HDAC4: variants seen among roughly 807,000 people sequenced by gnomAD.
The protein encoded by HDAC4 is histone deacetylase 4.
In HDAC4, 16 loss-of-function variants were observed where a neutral mutation model predicts 135.1. The ratio of observed to expected loss-of-function variants is 0.12; its 90% CI spans 0.08 to 0.18. HDAC4 has a LOEUF of 0.18. Among genes scored for constraint, HDAC4 ranks in the 10% least tolerant of loss-of-function variants. The probability of loss-of-function intolerance (pLI) is 1.00; values close to 1 mark genes in which losing one functional copy is unlikely to be tolerated. For synonymous variants in HDAC4, 685 were observed against 653.4 expected, an observed-to-expected ratio of 1.05 and a Z score of -0.74; for missense variants, 1,143 against 1,511.8, an observed-to-expected ratio of 0.76 and a Z score of 4.05.
intron 17 of HDAC4, 173 bp downstream of exon 17, chr2:239,094,837 G>A (rs935443885): frequency 3.1e-5 from 47 of 1,519,570 alleles, no homozygotes; most frequent in Non-Finnish European, 3.6e-5. Context: ...CCGAGTCGGC[G>A]ATCAAAACGC....
At position 239,146,991 on chromosome 2, in the gene HDAC4, T is replaced by C. The variant is rs1195023552; in HGVS notation, c.734-2277A>G. 6.6e-6 allele frequency among the ~76,000 whole-genome samples: 1 copy of C among 152,208 alleles called. No homozygotes were observed. The highest frequency in any genetic ancestry group is 1.9e-4 in the East Asian group (1 of 5,180). ...CTGACCAGGAGGCTCCAGGACACCATGCCAGCACTGCCAGGGACAGCATGG... is the reference window on the plus strand; with the variant it reads ...CTGACCAGGAGGCTCCAGGACACCACGCCAGCACTGCCAGGGACAGCATGG... On this transcript the variant is annotated intron_variant, in intron 7 of 26. Coordinates refer to ENST00000543185, the MANE Select transcript of HDAC4 (RefSeq NM_001378414.1). The surrounding 1 kb of genome is among the most constrained non-coding windows in gnomAD (Gnocchi z 4.5).
At chr2:239,371,655 G>T (rs925279697) in intron 1 of HDAC4, among the ~76,000 whole-genome samples, 2 of 151,918 alleles carry the variant, frequency 1.3e-5, no homozygotes, top group South Asian at 4.2e-4. Flanking sequence ...ACACACATAC[G>T]CACGGACTCA....
chr2:239,330,168 A>T (rs1428500631), intron 2 of HDAC4, among the ~76,000 whole-genome samples: 1 of 152,250 alleles, frequency 6.6e-6, no homozygotes, highest in Non-Finnish European at 1.5e-5. Context: ...GGCCAGGTAC[A>T]GCTGCCTGGA....
At chr2:239,168,617 A>G (rs2043255784) in intron 5 of HDAC4, among the ~76,000 whole-genome samples, 1 of 152,238 alleles carries the variant, frequency 6.6e-6, no homozygotes, top group Non-Finnish European at 1.5e-5. Flanking sequence ...TCAAATGCTT[A>G]GATGCTGGCG....
chr2:239,108,687 G>A (rs1313088530), intron 14 of HDAC4, among the ~76,000 whole-genome samples: 1 of 152,200 alleles, frequency 6.6e-6, no homozygotes, highest in Admixed American at 6.5e-5. Context: ...AGATTCCAAA[G>A]AAACACCAGA....
At chr2:239,339,355 C>T (rs1184854877) in intron 2 of HDAC4, among the ~76,000 whole-genome samples, 1 of 152,176 alleles carries the variant, frequency 6.6e-6, no homozygotes, top group East Asian at 1.9e-4. Context: ...GAAACAGGGC[C>T]CGATGAAAGG....
chr2:239,315,295 AC>A (rs1273191187), intron 2 of HDAC4, among the ~76,000 whole-genome samples: 6 of 152,066 alleles, frequency 3.9e-5, no homozygotes, highest in Non-Finnish European at 8.8e-5. Context: ...TGTTGTCAGC[AC>A]CTCTTGAGGC....
At chr2:239,092,675 G>A (rs2036625960) in intron 17 of HDAC4, among the ~76,000 whole-genome samples, 1 of 152,104 alleles carries the variant, frequency 6.6e-6, no homozygotes, top group South Asian at 2.1e-4. Flanking sequence ...ACCCTCCTTC[G>A]CCTGCTTCAG....
intron 24 of HDAC4, among the ~76,000 whole-genome samples, chr2:239,057,622 A>G (rs2032075042): frequency 6.6e-6 from 1 of 152,256 alleles, no homozygotes; most frequent in Non-Finnish European, 1.5e-5. Flanking sequence ...TCAATGTGTC[A>G]AGAGCAAATC....
chr2:239,063,801 G>A (rs1380132730), intron 24 of HDAC4, among the ~76,000 whole-genome samples: 14 of 152,196 alleles, frequency 9.2e-5, no homozygotes, highest in Admixed American at 7.8e-4. Context: ...TCAAGCCACC[G>A]AACCTCCCTC....
At chr2:239,358,253 T>C (rs1156536648) in intron 1 of HDAC4, among the ~76,000 whole-genome samples, 1 of 152,180 alleles carries the variant, frequency 6.6e-6, no homozygotes, top group African/African-American at 2.4e-5. Flanking sequence ...GTAATCTGCT[T>C]CCGTTCGTGT....
intron 1 of HDAC4, among the ~76,000 whole-genome samples, chr2:239,380,811 C>G (rs1695366007): frequency 6.6e-6 from 1 of 152,184 alleles, no homozygotes; most frequent in Non-Finnish European, 1.5e-5. Context: ...TCCCCAACTT[C>G]AGAGGCATTG....
intron 11 of HDAC4, among the ~76,000 whole-genome samples, chr2:239,127,954 A>G (rs1269361855): frequency 1.3e-5 from 2 of 152,206 alleles, no homozygotes; most frequent in Admixed American, 1.3e-4. Flanking sequence ...GTCCCTTTGC[A>G]GGGGCTATTT....
At chr2:239,383,414 C>T (rs143561035) in intron 1 of HDAC4, among the ~76,000 whole-genome samples, 1 of 152,294 alleles carries the variant, frequency 6.6e-6, no homozygotes, top group Non-Finnish European at 1.5e-5. Context: ...TGGAGCAGGG[C>T]TTGGAAACAG....
rs2033879196 is a variant in HDAC4, at chr2:239,068,878, C to T, written c.2751-271G>A. The T allele has an allele frequency of 4.7e-6, 2 of 428,046 alleles. No homozygotes were observed. Among genetic ancestry groups the T allele is most frequent in the Non-Finnish European group, 8.9e-6 (2 of 224,628 alleles). The allele number at this position is 428,046 out of a possible 1,614,324, so 26.5% of individuals were successfully genotyped here. The stretch of plus-strand genomic sequence containing the variant: ...TGCTTGGTGAGAGGGAGTCACGGTG[C>T]AAGCCAGCAAGCCCCACTGCACTTG... On this transcript the variant is annotated intron_variant, in intron 22 of 26. Transcript: ENST00000543185. This position sits in a 1 kb window ranked among gnomAD's most constrained non-coding sequence, Gnocchi z 4.4.
Position 239,306,651 on chromosome 2 carries a change from C to A in HDAC4, c.22+46027G>T, listed in dbSNP as rs922810860. ...CACCCCATGTTCCCCCTATATGCCC[C>A]CCACACTGCCCAGGTGATGGCAGAA... On this transcript the variant is annotated intron_variant, in intron 2 of 26. Transcript: ENST00000543185. This position sits in a 1 kb window ranked among gnomAD's most constrained non-coding sequence, Gnocchi z 4.5. Among the ~76,000 whole-genome samples the A allele has an allele frequency of 6.6e-6, 1 of 152,126 alleles. No homozygotes were observed. Among genetic ancestry groups the A allele is most frequent in the Non-Finnish European group, 1.5e-5 (1 of 68,022 alleles).
chr2:239,375,195 C>G (rs2126026296), intron 1 of HDAC4, among the ~76,000 whole-genome samples: 1 of 152,296 alleles, frequency 6.6e-6, no homozygotes, highest in East Asian at 1.9e-4. Context: ...GCAGGGCAGC[C>G]ACGTAGGAAG....
At position 239,100,767 on chromosome 2, in the gene HDAC4, G is replaced by A. The variant is rs138785041; in HGVS notation, c.2233+2009C>T. On this transcript the variant is annotated intron_variant, in intron 16 of 26. Transcript: ENST00000543185. Reference sequence around the variant, plus strand: ...CCACAGAGGGGTCTCCTGTCTGCTTGGACGGTAAAGGTCAGCATGCTGGCA... The same window carrying A: ...CCACAGAGGGGTCTCCTGTCTGCTTAGACGGTAAAGGTCAGCATGCTGGCA... Among the ~76,000 whole-genome samples, 376 of 152,254 alleles carry A rather than the reference G, an allele frequency of 2.5e-3. 3 individuals carry two copies. The highest frequency in any genetic ancestry group is 8.6e-3 in the African/African-American group (358 of 41,540).
chr2:239,178,380 C>T (rs556214357), intron 4 of HDAC4, among the ~76,000 whole-genome samples: 1 of 152,282 alleles, frequency 6.6e-6, no homozygotes, highest in African/African-American at 2.4e-5. Flanking sequence ...AAGTGATCCT[C>T]CTACCTCAGA....
Sources: gnomAD v4.1 joint callset for allele counts (sites outside exome capture counted in the v4.1 genomes callset) on GRCh38, gnomAD v4.1.1 for gene constraint, Gnocchi (gnomAD v3.1) non-coding constraint, MANE v1.5 for transcripts, NCBI Gene and HGNC (gene_info 2026-07-23, HGNC 2026-07-21) for gene names.